The following GCNT2 variants were observed in gnomAD, a reference collection of about 807,000 sequenced individuals.
GCNT2 encodes the protein N-acetyllactosaminide beta-1,6-N-acetylglucosaminyl-transferase.
In GCNT2, 34 loss-of-function variants were observed where a neutral mutation model predicts 34.2. The ratio of observed to expected loss-of-function variants is 1.00; its 90% CI spans 0.76 to 1.32. The LOEUF (loss-of-function observed/expected upper bound fraction) is 1.32. GCNT2 is among the 40% of genes most tolerant of loss of function. The pLI is 0.00. For missense variants in GCNT2, 584 were observed against 489.4 expected (o/e 1.19, Z -1.82); for synonymous variants, 212 against 188.0 (o/e 1.13, Z -1.04).
At chr6:10,532,722 G>A (rs892048936) in intron 3 of GCNT2, among the ~76,000 whole-genome samples, 1 of 152,132 alleles carries the variant, frequency 6.6e-6, no homozygotes, top group African/African-American at 2.4e-5. Context: ...TCCTGCCTCA[G>A]CCTCGTGAGC....
In GCNT2 at chr6:10,536,343, T is replaced by C. The variant is rs148371792; in HGVS notation, c.925+6507T>C. ...TGTTTTTTTATATCTGCCAGAAATATCGGTTTTTGTCAACTTCTTCTTTTT... is the reference window on the plus strand; with the variant it reads ...TGTTTTTTTATATCTGCCAGAAATACCGGTTTTTGTCAACTTCTTCTTTTT... On this transcript the variant is annotated intron_variant, in intron 3 of 4. Coordinates refer to ENST00000495262, the MANE Select transcript of GCNT2 (RefSeq NM_145649.5). 2.1e-3 allele frequency among the ~76,000 whole-genome samples: 320 copies of C among 152,112 alleles called. 1 individual carries two copies. Among genetic ancestry groups the C allele is most frequent in the African/African-American group, 7.3e-3 (302 of 41,504 alleles).
intron 3 of GCNT2, among the ~76,000 whole-genome samples, chr6:10,569,664 G>A (rs1763450530): frequency 6.6e-6 from 1 of 152,142 alleles, no homozygotes; most frequent in Admixed American, 6.5e-5. Context: ...TTCAACCCAA[G>A]GTCCAACCAC....
intron 3 of GCNT2, chr6:10,586,388 A>G (rs764723598): frequency 1.9e-6 from 3 of 1,614,210 alleles, no homozygotes; most frequent in Non-Finnish European, 2.5e-6. Context: ...AGAAAGCCCC[A>G]GCTGAGTATA....
intron 3 of GCNT2, among the ~76,000 whole-genome samples, chr6:10,569,051 G>A (rs1763410129): frequency 1.3e-5 from 2 of 151,970 alleles, no homozygotes; most frequent in Admixed American, 6.5e-5. Context: ...AGACTATAAT[G>A]TCTTTGAGGT....
At chr6:10,582,281 T>TATA (rs1487193383) in intron 3 of GCNT2, among the ~76,000 whole-genome samples, 4 of 99,120 alleles carry the variant, frequency 4.0e-5, no homozygotes, top group African/African-American at 1.9e-4. Context: ...AATATATAAA[T>TATA]ATATATAATA....
chr6:10,582,537 ATATATCATG>A, intron 3 of GCNT2, among the ~76,000 whole-genome samples: 2 of 88,268 alleles, frequency 2.3e-5, no homozygotes, highest in African/African-American at 1.4e-4. Context: ...ATCATATATT[ATATATCATG>A]TATAATATAT....
At chr6:10,598,830 G>A (rs1764967460) in intron 3 of GCNT2, among the ~76,000 whole-genome samples, 2 of 152,026 alleles carry the variant, frequency 1.3e-5, no homozygotes, top group African/African-American at 2.4e-5. Flanking sequence ...TGTGACGTGA[G>A]GCTAATTATG....
chr6:10,552,442 C>T (rs1268915722), intron 3 of GCNT2, among the ~76,000 whole-genome samples: 1 of 152,006 alleles, frequency 6.6e-6, no homozygotes, highest in African/African-American at 2.4e-5. Flanking sequence ...TTGGATTCGA[C>T]CTTGGGCGGG....
intron 3 of GCNT2, among the ~76,000 whole-genome samples, chr6:10,600,457 T>C (rs950605086): frequency 4.6e-5 from 7 of 152,306 alleles, no homozygotes; most frequent in Non-Finnish European, 7.3e-5. Context: ...CCGTGTGTTT[T>C]GATAGTGGTA....
At chr6:10,544,497 C>T (rs571363362) in intron 3 of GCNT2, among the ~76,000 whole-genome samples, 62 of 128,596 alleles carry the variant, frequency 4.8e-4, no homozygotes, top group South Asian at 1.8e-3. Flanking sequence ...CCCAGCTACT[C>T]GGGAGGCTGA....
chr6:10,578,747 G>A (rs985928917), intron 3 of GCNT2, among the ~76,000 whole-genome samples: 9 of 152,028 alleles, frequency 5.9e-5, no homozygotes, highest in African/African-American at 9.7e-5. Flanking sequence ...CGCCCGGCCC[G>A]GAGCTTATAT....
Position 10,570,552 on chromosome 6 carries a change from C to T in GCNT2, c.925+40716C>T, listed in dbSNP as rs146939119. ...TTAGCTTCGTGCTACCATCAGCCCTCTCTTCTGGACATTTCCTGGTTCATT... is the reference window on the plus strand; with the variant it reads ...TTAGCTTCGTGCTACCATCAGCCCTTTCTTCTGGACATTTCCTGGTTCATT... On this transcript the variant is annotated intron_variant, in intron 3 of 4. Transcript: ENST00000495262. Among the ~76,000 whole-genome samples the T allele has an allele frequency of 2.5e-3, 380 of 152,332 alleles. 4 individuals carry two copies. The highest frequency in any genetic ancestry group is 7.4e-3 in the African/African-American group (306 of 41,586).
chr6:10,626,428 C>T lies in GCNT2; in HGVS notation c.1030C>T (p.His344Tyr). 1 of 1,611,152 alleles carries T rather than the reference C, an allele frequency of 6.2e-7. No homozygotes were observed. The highest frequency in any genetic ancestry group is 8.5e-7 in the Non-Finnish European group (1 of 1,177,304). The change falls in exon 5 of 5, where the codon CAT (histidine) becomes TAT (tyrosine). Residue 344 changes from histidine (H) to tyrosine (Y), a missense_variant. Coordinates refer to ENST00000495262, the MANE Select transcript of GCNT2 (RefSeq NM_145649.5). ...TCTTTCTTTTGCAGGCCACTATGTACATGGTATTTGTATCTATGGAAACGG... is the reference window on the plus strand; with the variant it reads ...TCTTTCTTTTGCAGGCCACTATGTATATGGTATTTGTATCTATGGAAACGG... ...RHGGCHGHYV[H>Y]GICIYGNGDL... is the part of the protein sequence containing the mutation.
chr6:10,599,242 G>A (rs985378162), intron 3 of GCNT2, among the ~76,000 whole-genome samples: 15 of 152,290 alleles, frequency 9.8e-5, no homozygotes, highest in East Asian at 9.6e-4. Context: ...TACCAGGTGC[G>A]CTGTTCACAG....
rs3064178 is a variant in GCNT2 at position 10,617,750 on chromosome 6, C to CT, written c.926-3579dup. Among the ~76,000 whole-genome samples, 627 of 101,664 alleles carry CT rather than the reference C, an allele frequency of 6.2e-3. 9 individuals carry two copies. Among genetic ancestry groups the CT allele is most frequent in the African/African-American group, 0.016 (318 of 19,886 alleles). 66.7% of individuals were successfully genotyped at this position (101,664 alleles called of 152,430 possible). On this transcript the variant is annotated intron_variant, in intron 3 of 4. Transcript: ENST00000495262. ...CACCTGGCCAGAGTCTGCATTTCTT[C>CT]TTTTTTTTTTTTTTTTTTTTTTGAC...
chr6:10,617,747 C>T (rs551791335), intron 3 of GCNT2, among the ~76,000 whole-genome samples: 2,093 of 113,948 alleles, frequency 0.018, 28 homozygotes, highest in Middle Eastern at 0.061. Context: ...GTCTGCATTT[C>T]TTCTTTTTTT....
chr6:10,538,775 A>G (rs1761903940), intron 3 of GCNT2, among the ~76,000 whole-genome samples: 1 of 152,200 alleles, frequency 6.6e-6, no homozygotes, highest in African/African-American at 2.4e-5. Context: ...GATAATGTAT[A>G]TAAATAGTTT....
chr6:10,562,738 C>T (rs185676365), intron 3 of GCNT2, among the ~76,000 whole-genome samples: 1 of 151,320 alleles, frequency 6.6e-6, no homozygotes, highest in South Asian at 2.1e-4. Flanking sequence ...GTGAAGAATG[C>T]TCACCAACAT....
chr6:10,570,788 T>C (rs557247702), intron 3 of GCNT2, among the ~76,000 whole-genome samples: 2 of 152,198 alleles, frequency 1.3e-5, no homozygotes, highest in African/African-American at 2.4e-5. Context: ...CCTTGCTATG[T>C]TTTGGGCCAT....
Sources: gnomAD v4.1 joint callset for allele counts (sites outside exome capture counted in the v4.1 genomes callset) on GRCh38, gnomAD v4.1.1 for gene constraint, MANE v1.5 for transcripts, NCBI Gene and HGNC (gene_info 2026-07-23, HGNC 2026-07-21) for gene names.